PCDH7: variants seen among roughly 807,000 people sequenced by gnomAD.
PCDH7 encodes the protein protocadherin-7.
Under a neutral mutation model 58.9 loss-of-function variants are expected in PCDH7, and 17 were observed. The ratio of observed to expected loss-of-function variants is 0.29; its 90% confidence interval spans 0.20 to 0.43. The LOEUF (loss-of-function observed/expected upper bound fraction) is 0.43, where lower values mean the gene tolerates loss of function less well. Among genes scored for constraint, PCDH7 ranks in the 20% least tolerant of loss-of-function variants. The pLI is 1.00. For missense variants in PCDH7, 1,274 were observed against 1,441.0 expected, an observed-to-expected ratio of 0.88 and a Z score of 1.88; for synonymous variants, 664 against 616.4, an observed-to-expected ratio of 1.08 and a Z score of -1.14.
rs145503031 is a variant in PCDH7, at chr4:30,970,609, A to G, written c.*7+20394A>G. Among the ~76,000 whole-genome samples, 5 of 152,284 alleles carry G rather than the reference A, an allele frequency of 3.3e-5. No individual in the cohort carries two copies. In the East Asian group the frequency reaches 7.7e-4, roughly 24 times the overall value. On this transcript the variant is annotated intron_variant, in intron 3 of 3. Transcript: ENST00000509759. Reference sequence around the variant, plus strand: ...CTCCCGGCCAAATGATACCTTTTAAATATCAGACACTTTTTTCTTTCCTCT... The same window carrying G: ...CTCCCGGCCAAATGATACCTTTTAAGTATCAGACACTTTTTTCTTTCCTCT...
chr4:30,896,230 A>G (rs1206200043), intron 1 of PCDH7, among the ~76,000 whole-genome samples: 1 of 152,224 alleles, frequency 6.6e-6, no homozygotes, highest in East Asian at 1.9e-4. Context: ...TAATTTAGTT[A>G]CATAGATTTG....
chr4:31,139,429 A>G (rs1457846904), intron 3 of PCDH7, among the ~76,000 whole-genome samples: 1 of 152,212 alleles, frequency 6.6e-6, no homozygotes, highest in Non-Finnish European at 1.5e-5. Context: ...GTTAGAAAAG[A>G]CATCCTTCAG....
exon 4 of PCDH7, chr4:31,142,725 C>T: frequency 7.3e-7 from 1 of 1,367,604 alleles, no homozygotes; most frequent in African/African-American, 1.5e-5. Flanking sequence ...TCCTATGAGA[C>T]CTTCAGTGCA....
At chr4:30,881,779 T>C (rs1293451088) in intron 1 of PCDH7, among the ~76,000 whole-genome samples, 1 of 152,196 alleles carries the variant, frequency 6.6e-6, no homozygotes, top group Non-Finnish European at 1.5e-5. Context: ...CACCTTCACA[T>C]TTTTAGCAGC....
chr4:31,075,974 T>A (rs2109260091), intron 3 of PCDH7, among the ~76,000 whole-genome samples: 1 of 152,348 alleles, frequency 6.6e-6, no homozygotes, highest in South Asian at 2.1e-4. Flanking sequence ...AGACCAGTTT[T>A]AAATTTCCCA....
At chr4:30,798,092 T>C (rs550908914) in intron 1 of PCDH7, among the ~76,000 whole-genome samples, 1 of 152,148 alleles carries the variant, frequency 6.6e-6, no homozygotes, top group African/African-American at 2.4e-5. Flanking sequence ...GAGTCCAGGC[T>C]CTAGTGGAGG....
At chr4:31,086,775 A>T (rs373850827) in intron 3 of PCDH7, among the ~76,000 whole-genome samples, 4 of 152,300 alleles carry the variant, frequency 2.6e-5, no homozygotes, top group Admixed American at 2.6e-4. Flanking sequence ...ATGCCAGATA[A>T]AGATCAGAAT....
At chr4:31,080,170 T>C (rs565747524) in intron 3 of PCDH7, among the ~76,000 whole-genome samples, 2 of 152,298 alleles carry the variant, frequency 1.3e-5, no homozygotes, top group Non-Finnish European at 2.9e-5. Flanking sequence ...TAGATAAGTC[T>C]CTTCTACCAC....
At chr4:30,814,852 C>T (rs1210843590) in intron 1 of PCDH7, among the ~76,000 whole-genome samples, 1 of 151,734 alleles carries the variant, frequency 6.6e-6, no homozygotes, top group Non-Finnish European at 1.5e-5. Context: ...CATTTTTTCC[C>T]CATAATTTTT....
intron 1 of PCDH7, among the ~76,000 whole-genome samples, chr4:30,828,046 C>T (rs970167847): frequency 6.6e-6 from 1 of 152,040 alleles, no homozygotes; most frequent in African/African-American, 2.4e-5. Context: ...GCACATATAA[C>T]CTACTTCATA....
At chr4:30,986,298 C>G (rs551838263) in intron 3 of PCDH7, among the ~76,000 whole-genome samples, 2 of 151,880 alleles carry the variant, frequency 1.3e-5, no homozygotes, top group Non-Finnish European at 2.9e-5. Context: ...CCTTTCTTCC[C>G]AAGAGGTCAT....
chr4:30,894,342 G>T (rs1051195241), intron 1 of PCDH7, among the ~76,000 whole-genome samples: 5 of 150,286 alleles, frequency 3.3e-5, no homozygotes, highest in East Asian at 2.0e-4. Flanking sequence ...GTGGCAAAGG[G>T]TACACTAGTG....
intron 3 of PCDH7, among the ~76,000 whole-genome samples, chr4:31,102,466 T>C (rs1162663911): frequency 7.9e-5 from 12 of 152,144 alleles, no homozygotes; most frequent in Non-Finnish European, 5.9e-5. Context: ...CTCATGCCTG[T>C]AATTCCAGCA....
At chr4:30,738,080 CCT>C (rs1232701051) in intron 1 of PCDH7, among the ~76,000 whole-genome samples, 1 of 152,090 alleles carries the variant, frequency 6.6e-6, no homozygotes, top group Non-Finnish European at 1.5e-5. Flanking sequence ...GGTGTCTCTT[CCT>C]CTTTTTATAA....
chr4:30,929,703 G>C (rs967656613), intron 2 of PCDH7, among the ~76,000 whole-genome samples: 1 of 152,068 alleles, frequency 6.6e-6, no homozygotes, highest in Non-Finnish European at 1.5e-5. Flanking sequence ...TATCTCCCAT[G>C]GTTTTATTTC....
At chr4:30,989,963 A>G (rs1025295279) in intron 3 of PCDH7, among the ~76,000 whole-genome samples, 8 of 152,142 alleles carry the variant, frequency 5.3e-5, no homozygotes, top group African/African-American at 1.9e-4. Context: ...AGAGTTCCTG[A>G]TAATATATGT....
chr4:30,927,074 A>G (rs1422050643), intron 2 of PCDH7, among the ~76,000 whole-genome samples: 1 of 152,174 alleles, frequency 6.6e-6, no homozygotes, highest in African/African-American at 2.4e-5. Flanking sequence ...ATGAGCGCTC[A>G]TCAAATCTCA....
intron 3 of PCDH7, among the ~76,000 whole-genome samples, chr4:30,954,861 T>C (rs1039886360): frequency 6.6e-6 from 1 of 152,154 alleles, no homozygotes; most frequent in South Asian, 2.1e-4. Context: ...TGGAGCATGG[T>C]TTCCTCAGCT....
downstream of PCDH7, among the ~76,000 whole-genome samples, chr4:30,737,666 C>T (rs1057450059): frequency 6.6e-6 from 1 of 152,146 alleles, no homozygotes. Flanking sequence ...CGAGTGTGGC[C>T]TTCCACATAT....
Sources: allele counts gnomAD v4.1 joint callset (sites outside exome capture counted in the v4.1 genomes callset), GRCh38; gene constraint gnomAD v4.1.1; transcripts MANE v1.5; gene names NCBI Gene and HGNC (gene_info 2026-07-23, HGNC 2026-07-21).